GCNT2: variants seen among roughly 807,000 people sequenced by gnomAD.
GCNT2 encodes the protein N-acetyllactosaminide beta-1,6-N-acetylglucosaminyl-transferase.
A neutral mutation model predicts 34.2 loss-of-function variants in GCNT2; 34 were observed. The observed-to-expected ratio is 1.00, with a 90% CI of 0.76 to 1.32. The LOEUF is 1.32. GCNT2 is among the 40% of genes most tolerant of loss of function. The pLI, the probability that GCNT2 is intolerant of heterozygous loss-of-function variation, is 0.00. For synonymous variants in GCNT2, 212 were observed against 188.0 expected (o/e 1.13, Z -1.04); for missense variants, 584 against 489.4 (o/e 1.19, Z -1.82).
rs767428497 is a variant in GCNT2, at chr6:10,529,373, C to G, written c.462C>G (p.Ser154=). 6.2e-7 allele frequency: 1 copy of G among 1,614,100 alleles called. No individual in the cohort carries two copies. The highest frequency in any genetic ancestry group is 8.5e-7 in the Non-Finnish European group (1 of 1,180,032). Residue 154 remains serine, a synonymous_variant, in exon 3 of 5, where the codon TCC becomes TCG. Coordinates refer to ENST00000495262, the MANE Select transcript of GCNT2 (RefSeq NM_145649.5). The part of the protein sequence containing the change: ...LSCFPNAFLA[S]KKESVVYGGI... The stretch of plus-strand genomic sequence containing the variant: ...GCTTCCCAAATGCTTTTCTGGCTTC[C>G]AAGAAGGAGTCGGTTGTCTATGGGG...
intron 3 of GCNT2, among the ~76,000 whole-genome samples, chr6:10,582,181 A>AACATT (rs1561816040): frequency 3.0e-5 from 4 of 131,394 alleles, no homozygotes; most frequent in African/African-American, 1.1e-4. Flanking sequence ...TTTATATAAA[A>AACATT]TATATTTTTA....
chr6:10,591,327 A>G (rs532329702), intron 3 of GCNT2, among the ~76,000 whole-genome samples: 2 of 152,318 alleles, frequency 1.3e-5, no homozygotes, highest in East Asian at 1.9e-4. Flanking sequence ...AGAACCTATG[A>G]AAGTGTACCC....
chr6:10,534,596 C>T (rs1761674348), intron 3 of GCNT2, among the ~76,000 whole-genome samples: 1 of 152,082 alleles, frequency 6.6e-6, no homozygotes, highest in African/African-American at 2.4e-5. Context: ...AGGCAGCTGC[C>T]CTTTATGTAG....
intron 2 of GCNT2, 124 bp downstream of exon 2, chr6:10,527,784 C>G (rs1162700090): frequency 6.6e-6 from 1 of 152,094 alleles, no homozygotes; most frequent in Non-Finnish European, 1.5e-5. Context: ...CCAATCTGTT[C>G]CTGGACACGG....
intron 3 of GCNT2, among the ~76,000 whole-genome samples, chr6:10,620,430 A>G (rs1232731481): frequency 6.6e-6 from 1 of 150,932 alleles, no homozygotes; most frequent in African/African-American, 2.4e-5. Context: ...ATTTTGAGAC[A>G]GGGGCCTGCT....
At chr6:10,580,182 A>G (rs1232048355) in intron 3 of GCNT2, among the ~76,000 whole-genome samples, 1 of 152,080 alleles carries the variant, frequency 6.6e-6, no homozygotes, top group African/African-American at 2.4e-5. Context: ...TTTTTCTGAT[A>G]AAATTCAGGT....
chr6:10,580,383 C>T (rs1483268174), intron 3 of GCNT2, among the ~76,000 whole-genome samples: 3 of 152,198 alleles, frequency 2.0e-5, no homozygotes, highest in Non-Finnish European at 4.4e-5. Context: ...GACCCTTCAC[C>T]AGCTTCCCGC....
At chr6:10,591,434 A>G (rs1581456468) in intron 3 of GCNT2, among the ~76,000 whole-genome samples, 1 of 152,220 alleles carries the variant, frequency 6.6e-6, no homozygotes, top group South Asian at 2.1e-4. Flanking sequence ...ATCAGTAAAT[A>G]TGAGAGAGTC....
At chr6:10,611,846 AG>A (rs1208335732) in intron 3 of GCNT2, among the ~76,000 whole-genome samples, 2 of 152,270 alleles carry the variant, frequency 1.3e-5, no homozygotes, top group Non-Finnish European at 1.5e-5. Flanking sequence ...AAAATATAAA[AG>A]CAATACAACA....
intron 3 of GCNT2, among the ~76,000 whole-genome samples, chr6:10,546,692 A>T (rs1762287458): frequency 6.6e-6 from 1 of 152,142 alleles, no homozygotes; most frequent in South Asian, 2.1e-4. Flanking sequence ...CTCTTTGAAG[A>T]TCTATAAAAT....
At chr6:10,577,215 G>A (rs867392383) in intron 3 of GCNT2, among the ~76,000 whole-genome samples, 2 of 152,218 alleles carry the variant, frequency 1.3e-5, no homozygotes, top group African/African-American at 2.4e-5. Context: ...ATCACACCTC[G>A]CCCAAGGGGG....
At chr6:10,588,472 A>G (rs147425183) in intron 3 of GCNT2, among the ~76,000 whole-genome samples, 3 of 152,316 alleles carry the variant, frequency 2.0e-5, no homozygotes, top group East Asian at 1.9e-4. Context: ...CGTTGTTCAC[A>G]TAGCTTTTCA....
chr6:10,526,672 A>G (rs1761205277), intron 1 of GCNT2, among the ~76,000 whole-genome samples: 1 of 152,108 alleles, frequency 6.6e-6, no homozygotes, highest in Admixed American at 6.5e-5. Flanking sequence ...AAAAGTGCTG[A>G]GATTACAGGC....
intron 3 of GCNT2, among the ~76,000 whole-genome samples, chr6:10,617,157 C>CT (rs1356818965): frequency 6.6e-6 from 1 of 152,102 alleles, no homozygotes; most frequent in South Asian, 2.1e-4. Flanking sequence ...CCATGGCGGT[C>CT]GGGGGGAGGC....
intron 3 of GCNT2, among the ~76,000 whole-genome samples, chr6:10,536,829 G>C (rs1457689656): frequency 6.6e-6 from 1 of 150,650 alleles, no homozygotes. Flanking sequence ...TCAGCCTCCC[G>C]AGTACCTGGG....
intron 3 of GCNT2, among the ~76,000 whole-genome samples, chr6:10,531,301 T>C (rs898693063): frequency 8.5e-5 from 13 of 152,252 alleles, no homozygotes; most frequent in African/African-American, 2.9e-4. Context: ...TGAACCAATT[T>C]AGTCCTGCTA....
chr6:10,539,481 G>A (rs528872428), intron 3 of GCNT2, among the ~76,000 whole-genome samples: 8 of 152,090 alleles, frequency 5.3e-5, no homozygotes, highest in East Asian at 1.9e-4. Context: ...GAGCCACTGC[G>A]CCCGGCCCCG....
chr6:10,570,497 G>C (rs1427305313), intron 3 of GCNT2, among the ~76,000 whole-genome samples: 1 of 152,204 alleles, frequency 6.6e-6, no homozygotes, highest in Non-Finnish European at 1.5e-5. Flanking sequence ...TCCCGAGTAA[G>C]CTGGAGATAC....
intron 3 of GCNT2, among the ~76,000 whole-genome samples, chr6:10,531,483 G>A (rs1761485629): frequency 1.3e-5 from 2 of 152,134 alleles, no homozygotes; most frequent in Non-Finnish European, 2.9e-5. Context: ...CCCTCCTTGG[G>A]GCAAGACCTA....
Sources: gnomAD v4.1 joint callset for allele counts (sites outside exome capture counted in the v4.1 genomes callset) on GRCh38, gnomAD v4.1.1 for gene constraint, MANE v1.5 for transcripts, NCBI Gene and HGNC (gene_info 2026-07-23, HGNC 2026-07-21) for gene names.